Variants in VPS8 observed in about 807,000 individuals in gnomAD.
The protein encoded by VPS8 is vacuolar protein sorting-associated protein 8 homolog.
In VPS8, 129 loss-of-function variants were observed where a neutral mutation model predicts 216.4. That is an observed-to-expected ratio of 0.60 (90% CI 0.52 to 0.69). The LOEUF (loss-of-function observed/expected upper bound fraction) is 0.69. VPS8 is among the 30% of genes least tolerant of loss of function. The probability of loss-of-function intolerance (pLI) is 0.00; values close to 1 mark genes in which losing one functional copy is unlikely to be tolerated. For synonymous variants in VPS8, 571 were observed against 565.4 expected, an observed-to-expected ratio of 1.01 and a Z score of -0.14; for missense variants, 1,531 against 1,683.5, an observed-to-expected ratio of 0.91 and a Z score of 1.59.
chr3:184,973,839 C>G (rs1748829832), intron 40 of VPS8, among the ~76,000 whole-genome samples: 1 of 152,092 alleles, frequency 6.6e-6, no homozygotes, highest in Non-Finnish European at 1.5e-5. Context: ...ACATTATGAC[C>G]TCCCCTTCCA....
intron 3 of VPS8, among the ~76,000 whole-genome samples, chr3:184,828,242 C>T (rs531155587): frequency 1.1e-4 from 17 of 152,236 alleles, no homozygotes; most frequent in African/African-American, 3.1e-4. Context: ...CAGGCTCAAG[C>T]GATTCTCGTG....
chr3:185,022,379 T>G (rs895606675), intron 45 of VPS8, among the ~76,000 whole-genome samples: 2 of 152,208 alleles, frequency 1.3e-5, no homozygotes, highest in African/African-American at 4.8e-5. Flanking sequence ...TCTCTGTATA[T>G]TTAATGTTTT....
intron 36 of VPS8, among the ~76,000 whole-genome samples, chr3:184,955,899 G>A (rs919231976): frequency 2.6e-5 from 4 of 151,762 alleles, no homozygotes; most frequent in Non-Finnish European, 5.9e-5. Flanking sequence ...TGAGAACTAA[G>A]GTGGTGGTAT....
chr3:184,926,561 A>T (rs1268889264), intron 30 of VPS8, 33 bp from the exon 31 acceptor site: 5 of 1,554,776 alleles, frequency 3.2e-6, no homozygotes, highest in Middle Eastern at 3.3e-4. Flanking sequence ...CTAGATGCTG[A>T]TATCAAATAA....
intron 45 of VPS8, among the ~76,000 whole-genome samples, chr3:185,015,078 C>T (rs924259789): frequency 6.6e-6 from 1 of 152,212 alleles, no homozygotes; most frequent in African/African-American, 2.4e-5. Context: ...TCCTCTTTTA[C>T]TGTAAAAGAT....
At chr3:184,915,267 C>T in intron 27 of VPS8, 88 bp from the exon 28 acceptor site, 1 of 1,492,256 alleles carries the variant, frequency 6.7e-7, no homozygotes, top group Non-Finnish European at 9.0e-7. Flanking sequence ...ATTCAGCCTG[C>T]CTTTATTTTA....
chr3:185,050,123 ATTTT>A (rs397939506), intron 47 of VPS8, among the ~76,000 whole-genome samples: 1 of 139,378 alleles, frequency 7.2e-6, no homozygotes, highest in Admixed American at 7.3e-5. Flanking sequence ...CTGGGAAATA[ATTTT>A]TTTTTTTTTT....
intron 39 of VPS8, among the ~76,000 whole-genome samples, chr3:184,969,547 A>T (rs1156591538): frequency 6.8e-6 from 1 of 147,004 alleles, no homozygotes; most frequent in Non-Finnish European, 1.5e-5. Context: ...CTCCTGCCTC[A>T]GCTCCTTGGG....
chr3:185,038,762 G>C (rs545642837), intron 46 of VPS8, among the ~76,000 whole-genome samples: 1 of 152,326 alleles, frequency 6.6e-6, no homozygotes, highest in Admixed American at 6.5e-5. Flanking sequence ...TCATCCCCCA[G>C]TCTAGTTGTT....
chr3:185,024,503 G>A, intron 46 of VPS8, 114 bp downstream of exon 46: 1 of 1,186,814 alleles, frequency 8.4e-7, no homozygotes, highest in African/African-American at 1.5e-5. Context: ...TGCTGTCAAG[G>A]GTTATTTCTG....
chr3:185,018,052 G>A (rs965666408), intron 45 of VPS8, among the ~76,000 whole-genome samples: 7 of 152,120 alleles, frequency 4.6e-5, no homozygotes, highest in Admixed American at 2.0e-4. Flanking sequence ...TCCAGGAAAT[G>A]GAGTATTTCC....
chr3:185,045,173 G>GAAATTTGCAGAAGCTCC, intron 46 of VPS8, among the ~76,000 whole-genome samples: 1 of 151,426 alleles, frequency 6.6e-6, no homozygotes, highest in Middle Eastern at 3.2e-3. Context: ...ATTGCCACCA[G>GAAATTTGCAGAAGCTCC]TGTCAATACA....
intron 24 of VPS8, 100 bp downstream of exon 24, chr3:184,898,754 A>G: frequency 1.0e-6 from 1 of 962,058 alleles, no homozygotes; most frequent in Non-Finnish European, 1.5e-6. Context: ...TTATCCAATT[A>G]TTTAAAAATT....
Position 184,983,002 on chromosome 3 carries a change from G to C in VPS8, c.3503-10G>C. The C allele has an allele frequency of 6.3e-7, 1 of 1,583,126 alleles. No individual in the cohort carries two copies. The highest frequency in any genetic ancestry group is 8.6e-7 in the Non-Finnish European group (1 of 1,164,474). On this transcript the variant is annotated splice_polypyrimidine_tract_variant and intron_variant, in intron 41 of 47. Coordinates refer to ENST00000625842, the MANE Select transcript of VPS8 (RefSeq NM_001009921.3). ...AAACTAACCTTAATGTTAATATTTT[G>C]TTATAACAGCTCTGAAGTCTTTGAC...
At chr3:184,937,465 A>G (rs1741846266) in intron 35 of VPS8, among the ~76,000 whole-genome samples, 1 of 152,234 alleles carries the variant, frequency 6.6e-6, no homozygotes, top group South Asian at 2.1e-4. Flanking sequence ...CCAGTGTGCT[A>G]GGCCCTAGGG....
chr3:184,947,924 G>A (rs1743981786), intron 36 of VPS8, among the ~76,000 whole-genome samples: 1 of 152,080 alleles, frequency 6.6e-6, no homozygotes, highest in African/African-American at 2.4e-5. Context: ...AAAGGTAGGA[G>A]AAAAATTAGA....
chr3:184,869,164 C>A, intron 19 of VPS8, 128 bp downstream of exon 19: 1 of 857,796 alleles, frequency 1.2e-6, no homozygotes. Context: ...GCTAATTAAA[C>A]CTTATAGACT....
rs1209287648 is a variant in VPS8, at chr3:184,849,932, A to G, written c.667-4A>G. On this transcript the variant is annotated splice_polypyrimidine_tract_variant and splice_region_variant and intron_variant, in intron 9 of 47. Coordinates refer to ENST00000625842, the MANE Select transcript of VPS8 (RefSeq NM_001009921.3). ...TGTTTTTGAAGCACTTAGTTGTCTT[A>G]TAGATCACCATGTGGGATTTGGCCA... 3.1e-6 allele frequency: 5 copies of G among 1,610,710 alleles called. No homozygotes were observed. In the East Asian group the frequency reaches 6.7e-5, roughly 22 times the overall value.
intron 21 of VPS8, among the ~76,000 whole-genome samples, chr3:184,884,746 A>G (rs1465290474): frequency 6.6e-6 from 1 of 152,160 alleles, no homozygotes; most frequent in African/African-American, 2.4e-5. Context: ...TTCTGGCATT[A>G]AAACCCAAGC....
Sources: gnomAD v4.1 joint callset for allele counts (sites outside exome capture counted in the v4.1 genomes callset) on GRCh38, gnomAD v4.1.1 for gene constraint, MANE v1.5 for transcripts, NCBI Gene and HGNC (gene_info 2026-07-23, HGNC 2026-07-21) for gene names.